Variants in SLC24A3 observed in about 807,000 individuals in gnomAD.
SLC24A3 encodes the protein sodium/potassium/calcium exchanger 3.
A neutral mutation model predicts 75.8 loss-of-function variants in SLC24A3; 28 were observed. That is an observed-to-expected ratio of 0.37 (90% confidence interval 0.27 to 0.51). The LOEUF (loss-of-function observed/expected upper bound fraction) is 0.51, where lower values mean the gene tolerates loss of function less well. SLC24A3 is among the 20% of genes least tolerant of loss of function. SLC24A3 has a pLI of 0.94. For missense variants in SLC24A3, 663 were observed against 847.8 expected (o/e 0.78, Z 2.71); for synonymous variants, 372 against 334.1 (o/e 1.11, Z -1.24).
intron 3 of SLC24A3, among the ~76,000 whole-genome samples, chr20:19,520,683 T>C (rs1345401909): frequency 1.3e-5 from 2 of 152,100 alleles, no homozygotes; most frequent in East Asian, 1.9e-4. Flanking sequence ...GTCTGCATGG[T>C]GAGGGTGCCC....
chr20:19,358,504 G>T (rs959118506), intron 2 of SLC24A3, among the ~76,000 whole-genome samples: 3 of 152,130 alleles, frequency 2.0e-5, no homozygotes, highest in African/African-American at 7.2e-5. Context: ...TTTCAAATGG[G>T]ATTACAGATG....
At chr20:19,388,688 G>C (rs564844421) in intron 2 of SLC24A3, among the ~76,000 whole-genome samples, 1 of 152,294 alleles carries the variant, frequency 6.6e-6, no homozygotes, top group African/African-American at 2.4e-5. Context: ...AATAAATATA[G>C]CTATCCTCTC....
intron 2 of SLC24A3, among the ~76,000 whole-genome samples, chr20:19,408,790 G>T (rs1986696435): frequency 6.6e-6 from 1 of 152,130 alleles, no homozygotes; most frequent in Non-Finnish European, 1.5e-5. Flanking sequence ...ACTGGTCAAA[G>T]GGTTATGGAC....
chr20:19,700,576 G>T (rs1259117680), intron 15 of SLC24A3, among the ~76,000 whole-genome samples: 1 of 152,132 alleles, frequency 6.6e-6, no homozygotes, highest in African/African-American at 2.4e-5. Context: ...TAGCTCTAGA[G>T]GATTAAATGA....
chr20:19,490,797 A>T (rs546221205), intron 2 of SLC24A3, among the ~76,000 whole-genome samples: 6 of 152,272 alleles, frequency 3.9e-5, no homozygotes, highest in Non-Finnish European at 7.4e-5. Flanking sequence ...GGGGACTTAT[A>T]TCTCCCATCC....
At position 19,299,198 on chromosome 20, in the gene SLC24A3, A is replaced by ATGTGTGTGTGTGTGTG. The variant is rs57048749; in HGVS notation, c.271+18121_271+18136dup. On this transcript the variant is annotated intron_variant, in intron 2 of 16. Coordinates refer to ENST00000328041, the MANE Select transcript of SLC24A3 (RefSeq NM_020689.4). ...CCTTCGTGTGTGTGTGTGTGTGTGT[A>ATGTGTGTGTGTGTGTG]TGTGTGTGTGTGTGTGTGTGTGTGT... Among the ~76,000 whole-genome samples the ATGTGTGTGTGTGTGTG allele has an allele frequency of 1.6e-3, 235 of 145,022 alleles. 1 individual carries two copies. Among genetic ancestry groups the ATGTGTGTGTGTGTGTG allele is most frequent in the Middle Eastern group, 7.0e-3 (2 of 286 alleles).
chr20:19,400,964 G>A (rs1263520986), intron 2 of SLC24A3, among the ~76,000 whole-genome samples: 1 of 152,064 alleles, frequency 6.6e-6, no homozygotes, highest in Non-Finnish European at 1.5e-5. Flanking sequence ...CTTGATCTGG[G>A]GCAAATATTT....
At chr20:19,626,108 A>AACATTAATT (rs1458170669) in intron 6 of SLC24A3, among the ~76,000 whole-genome samples, 1 of 152,170 alleles carries the variant, frequency 6.6e-6, no homozygotes, top group African/African-American at 2.4e-5. Flanking sequence ...GGATTCATAA[A>AACATTAATT]ACATTAATTT....
chr20:19,547,607 G>T (rs1032180686), intron 3 of SLC24A3, among the ~76,000 whole-genome samples: 1 of 152,298 alleles, frequency 6.6e-6, no homozygotes, highest in East Asian at 1.9e-4. Context: ...GCGTTCACTC[G>T]GCTGCTGTCA....
intron 2 of SLC24A3, among the ~76,000 whole-genome samples, chr20:19,362,220 A>G (rs1477830183): frequency 6.6e-6 from 1 of 152,234 alleles, no homozygotes; most frequent in East Asian, 1.9e-4. Flanking sequence ...TATTTTAATT[A>G]GCATTTCTAG....
At chr20:19,422,051 C>T (rs1035095467) in intron 2 of SLC24A3, among the ~76,000 whole-genome samples, 1 of 152,120 alleles carries the variant, frequency 6.6e-6, no homozygotes, top group African/African-American at 2.4e-5. Context: ...CTCTTTCCCC[C>T]AGTGCTTGAG....
chr20:19,369,812 A>G (rs1316255088), intron 2 of SLC24A3, among the ~76,000 whole-genome samples: 2 of 152,180 alleles, frequency 1.3e-5, no homozygotes, highest in Non-Finnish European at 2.9e-5. Flanking sequence ...GTCCAGAATG[A>G]TGGAAATGCT....
intron 3 of SLC24A3, among the ~76,000 whole-genome samples, chr20:19,554,255 T>A (rs778368528): frequency 4.6e-5 from 7 of 152,232 alleles, no homozygotes; most frequent in Non-Finnish European, 8.8e-5. Flanking sequence ...ATGATAATAT[T>A]TGGATACATT....
intron 8 of SLC24A3, among the ~76,000 whole-genome samples, chr20:19,666,707 G>A (rs1284365394): frequency 6.6e-6 from 1 of 151,958 alleles, no homozygotes. Flanking sequence ...AAATTGGCCC[G>A]GCATGGTGGC....
chr20:19,538,218 G>A (rs980950301), intron 3 of SLC24A3, among the ~76,000 whole-genome samples: 73 of 152,198 alleles, frequency 4.8e-4, no homozygotes, highest in African/African-American at 1.8e-3. Context: ...TGCTAGACAT[G>A]TTTCTCAGGA....
At chr20:19,450,005 C>G (rs1190532037) in intron 2 of SLC24A3, among the ~76,000 whole-genome samples, 2 of 152,068 alleles carry the variant, frequency 1.3e-5, no homozygotes, top group Admixed American at 1.3e-4. Flanking sequence ...GGTGTCCAGA[C>G]CTCAAGGCAT....
intron 2 of SLC24A3, among the ~76,000 whole-genome samples, chr20:19,455,777 C>T (rs1033688457): frequency 1.3e-5 from 2 of 152,226 alleles, no homozygotes; most frequent in Admixed American, 6.5e-5. Context: ...GGTGCTTCCT[C>T]GGATCACCCC....
intron 6 of SLC24A3, among the ~76,000 whole-genome samples, chr20:19,634,022 A>C (rs1004308033): frequency 6.6e-6 from 1 of 152,206 alleles, no homozygotes; most frequent in Non-Finnish European, 1.5e-5. Context: ...TCACATGTTT[A>C]TAAGAAAAAA....
At chr20:19,249,576 C>T (rs1042213547) in intron 1 of SLC24A3, among the ~76,000 whole-genome samples, 3 of 152,002 alleles carry the variant, frequency 2.0e-5, no homozygotes, top group Non-Finnish European at 4.4e-5. Context: ...CTTTGCTTCA[C>T]TTTCATTTCA....
Sources: gnomAD v4.1 joint callset for allele counts (sites outside exome capture counted in the v4.1 genomes callset) on GRCh38, gnomAD v4.1.1 for gene constraint, MANE v1.5 for transcripts, NCBI Gene and HGNC (gene_info 2026-07-23, HGNC 2026-07-21) for gene names.